CSMD2: variants seen among roughly 807,000 people sequenced by gnomAD.
CSMD2 encodes CUB and sushi domain-containing protein 2.
CSMD2 carries 130 observed loss-of-function variants against 398.5 expected under a neutral mutation model. The ratio of observed to expected loss-of-function variants is 0.33; its 90% CI spans 0.28 to 0.38. CSMD2 has a LOEUF of 0.38. CSMD2 is among the 10% of genes least tolerant of loss of function. The pLI, the probability that CSMD2 is intolerant of heterozygous loss-of-function variation, is 1.00. For missense variants in CSMD2, 3,829 were observed against 4,764.9 expected, an observed-to-expected ratio of 0.80 and a Z score of 5.78; for synonymous variants, 1,828 against 1,908.5, an observed-to-expected ratio of 0.96 and a Z score of 1.10.
chr1:33,694,151 AG>A (rs763136361), intron 24 of CSMD2, among the ~76,000 whole-genome samples: 1 of 152,250 alleles, frequency 6.6e-6, no homozygotes, highest in Non-Finnish European at 1.5e-5. Flanking sequence ...AGTTAAGTGA[AG>A]GAAGTCAGAC....
chr1:34,002,227 T>C (rs530491879), intron 3 of CSMD2, among the ~76,000 whole-genome samples: 42 of 152,378 alleles, frequency 2.8e-4, no homozygotes, highest in Middle Eastern at 3.4e-3. Context: ...TTCTGGAATG[T>C]TGAATTGTGA....
At chr1:33,561,241 G>A (rs935675426) in intron 53 of CSMD2, among the ~76,000 whole-genome samples, 2 of 152,158 alleles carry the variant, frequency 1.3e-5, no homozygotes, top group African/African-American at 4.8e-5. Context: ...CCAGTGGAGG[G>A]AGCCAGGAAG....
chr1:33,915,733 G>A (rs1379094839), intron 5 of CSMD2, among the ~76,000 whole-genome samples: 2 of 152,220 alleles, frequency 1.3e-5, no homozygotes, highest in Non-Finnish European at 2.9e-5. Flanking sequence ...GTTTATAGAA[G>A]TGAAAACTTG....
intron 32 of CSMD2, among the ~76,000 whole-genome samples, chr1:33,630,984 T>G (rs867753959): frequency 6.6e-6 from 1 of 151,878 alleles, no homozygotes; most frequent in African/African-American, 2.4e-5. Flanking sequence ...GAGCTCTCAA[T>G]TCAAGATGTT....
chr1:33,552,342 T>C (rs1570707453), intron 55 of CSMD2, among the ~76,000 whole-genome samples: 1 of 152,184 alleles, frequency 6.6e-6, no homozygotes, highest in African/African-American at 2.4e-5. Context: ...GGAAAACAGT[T>C]TGGCAGTTCC....
Position 33,537,209 on chromosome 1 carries a change from G to T in CSMD2, c.9806-114C>A. 1 of 1,236,720 alleles carries T rather than the reference G, an allele frequency of 8.1e-7. No homozygotes were observed. Among genetic ancestry groups the T allele is most frequent in the Non-Finnish European group, 1.2e-6 (1 of 854,998 alleles). The allele number at this position is 1,236,720 out of a possible 1,614,324, so 76.6% of individuals were successfully genotyped here. A position where few individuals can be genotyped will look rare whatever the true frequency, so the allele number is the denominator to read the frequency against. On this transcript the variant is annotated intron_variant, in intron 61 of 70. Transcript: ENST00000373381. The surrounding 1 kb of genome is among the most constrained non-coding windows in gnomAD (Gnocchi z 4.6). ...AATGCGGCCACATCCTGACTTCCCT[G>T]CCCACTGAGATCCCCACCTGAGCCT...
intron 28 of CSMD2, among the ~76,000 whole-genome samples, chr1:33,651,200 T>C (rs1557677241): frequency 6.6e-6 from 1 of 151,932 alleles, no homozygotes; most frequent in Non-Finnish European, 1.5e-5. Flanking sequence ...TGGGAAATGA[T>C]AGGACTTAAA....
chr1:33,945,886 A>G (rs1407188756), intron 3 of CSMD2, among the ~76,000 whole-genome samples: 1 of 152,228 alleles, frequency 6.6e-6, no homozygotes, highest in Non-Finnish European at 1.5e-5. Context: ...AATAAGTGGT[A>G]CCCTATGGTG....
chr1:33,922,264 T>G (rs1377344784), intron 4 of CSMD2, among the ~76,000 whole-genome samples: 2 of 151,872 alleles, frequency 1.3e-5, no homozygotes, highest in African/African-American at 4.8e-5. Flanking sequence ...TGAACAGACC[T>G]GTATGGAGCA....
chr1:34,120,313 C>T (rs996400631), intron 1 of CSMD2, among the ~76,000 whole-genome samples: 1 of 152,098 alleles, frequency 6.6e-6, no homozygotes, highest in Non-Finnish European at 1.5e-5. Context: ...AGAGTTGTTG[C>T]TCAATGGGTG....
intron 53 of CSMD2, among the ~76,000 whole-genome samples, chr1:33,564,157 A>T (rs531767183): frequency 6.6e-6 from 1 of 152,304 alleles, no homozygotes; most frequent in Admixed American, 6.5e-5. Context: ...CACCGGTCTA[A>T]CTATCTTATG....
At chr1:33,610,985 C>T in intron 41 of CSMD2, 56 bp downstream of exon 41, 2 of 1,537,666 alleles carry the variant, frequency 1.3e-6, no homozygotes, top group Non-Finnish European at 1.8e-6. Context: ...AGGTGGGTGG[C>T]TGGGGCAAGA....
intron 1 of CSMD2, among the ~76,000 whole-genome samples, chr1:34,103,370 C>T (rs1471976399): frequency 1.4e-5 from 2 of 144,548 alleles, no homozygotes; most frequent in African/African-American, 5.2e-5. Flanking sequence ...GCGATCTCGG[C>T]TCACTGCTAT....
chr1:34,022,391 T>C lies in CSMD2; in HGVS notation c.517+10203A>G, dbSNP rs552647735. ...TCAAAGTCACATGCTGGCTACTATC[T>C]GGACGAGTTGGGAGTCAAGTCTTCC... On this transcript the variant is annotated intron_variant, in intron 3 of 70. Transcript: ENST00000373381. 4.4e-4 allele frequency among the ~76,000 whole-genome samples: 67 copies of C among 152,362 alleles called. No homozygotes were observed. The South Asian group carries it at 0.013, about 30-fold the overall frequency.
intron 5 of CSMD2, among the ~76,000 whole-genome samples, chr1:33,897,378 G>T (rs1642459359): frequency 6.6e-6 from 1 of 152,134 alleles, no homozygotes; most frequent in Admixed American, 6.5e-5. Flanking sequence ...AGTGATGCTG[G>T]GACTCAATTT....
At position 33,742,761 on chromosome 1, in the gene CSMD2, C is replaced by A. The variant is rs533702592; in HGVS notation, c.2173+519G>T. On this transcript the variant is annotated intron_variant, in intron 14 of 70. Transcript: ENST00000373381. ...GAGTTGTCCCCAGTAAGTCTGGGAG[C>A]CCAACAGAAGTGTTGCTCCAAAGCT... Among the ~76,000 whole-genome samples, 203 of 152,224 alleles carry A rather than the reference C, an allele frequency of 1.3e-3. 1 individual carries two copies. Among genetic ancestry groups the A allele is most frequent in the African/African-American group, 4.6e-3 (192 of 41,546 alleles).
chr1:33,762,439 G>C (rs543028011), intron 13 of CSMD2, among the ~76,000 whole-genome samples: 2 of 152,322 alleles, frequency 1.3e-5, no homozygotes, highest in South Asian at 2.1e-4. Flanking sequence ...TATAAGTAGA[G>C]GTCACAGCCC....
chr1:33,693,724 G>A (rs1453343582), intron 24 of CSMD2, among the ~76,000 whole-genome samples: 1 of 152,142 alleles, frequency 6.6e-6, no homozygotes, highest in Non-Finnish European at 1.5e-5. Context: ...TAAACAAAAT[G>A]TGGCATAGCC....
chr1:33,673,709 G>A (rs1644597556), intron 25 of CSMD2, among the ~76,000 whole-genome samples: 1 of 152,222 alleles, frequency 6.6e-6, no homozygotes, highest in South Asian at 2.1e-4. Flanking sequence ...GGCAGCCAGA[G>A]AGAAAGGTCG....
Sources: allele counts gnomAD v4.1 joint callset (sites outside exome capture counted in the v4.1 genomes callset), GRCh38; gene constraint gnomAD v4.1.1; non-coding constraint Gnocchi (gnomAD v3.1); transcripts MANE v1.5; gene names NCBI Gene and HGNC (gene_info 2026-07-23, HGNC 2026-07-21).